The following NFASC variants were observed in gnomAD, a reference collection of about 807,000 sequenced individuals.
NFASC encodes neurofascin.
A neutral mutation model predicts 147.5 loss-of-function variants in NFASC; 43 were observed. The ratio of observed to expected loss-of-function variants is 0.29; its 90% confidence interval spans 0.23 to 0.38. The LOEUF (loss-of-function observed/expected upper bound fraction) is 0.38, where lower values mean the gene tolerates loss of function less well. Ranked by LOEUF, NFASC falls within the 10% of genes least tolerant of loss-of-function variation. The pLI is 1.00. For missense variants in NFASC, 1,320 were observed against 1,689.0 expected (o/e 0.78, Z 3.83); for synonymous variants, 622 against 665.5 (o/e 0.93, Z 1.01).
chr1:204,946,305 C>T, intron 3 of NFASC: 2 of 513,578 alleles, frequency 3.9e-6, no homozygotes, highest in South Asian at 1.4e-5. Flanking sequence ...GCACATGGTT[C>T]TGGCAGCTAA....
chr1:204,907,122 A>T (rs1025045348), intron 1 of NFASC, among the ~76,000 whole-genome samples: 1 of 152,138 alleles, frequency 6.6e-6, no homozygotes, highest in African/African-American at 2.4e-5. Context: ...CCTAACTAGG[A>T]CGTGGGATTA....
chr1:205,002,512 C>T, intron 26 of NFASC, 84 bp from the exon 27 acceptor site: 1 of 1,186,498 alleles, frequency 8.4e-7, no homozygotes, highest in East Asian at 2.9e-5. Context: ...CACTTTCTAC[C>T]TTTGACAGGT....
chr1:204,995,315 A>AGTGTGTGTGT lies in NFASC; in HGVS notation c.2783-1826_2783-1817dup, dbSNP rs60921990. On this transcript the variant is annotated intron_variant, in intron 24 of 29. Coordinates refer to ENST00000339876, the MANE Select transcript of NFASC (RefSeq NM_001005388.3). ...GCTTTCCCATGTATGATGTGTGCAC[A>AGTGTGTGTGT]GTGTGTGTGTGTGTGTGTGTGTGTG... Among the ~76,000 whole-genome samples the AGTGTGTGTGT allele has an allele frequency of 4.3e-3, 612 of 140,876 alleles. 6 individuals are homozygous for AGTGTGTGTGT. Among genetic ancestry groups the AGTGTGTGTGT allele is most frequent in the Middle Eastern group, 0.028 (8 of 282 alleles). The allele number at this position is 140,876 out of a possible 152,430, so 92.4% of individuals were successfully genotyped here.
chr1:205,000,149 C>G (rs142529211), intron 25 of NFASC: 2 of 152,172 alleles, frequency 1.3e-5, no homozygotes, highest in African/African-American at 4.8e-5. Context: ...ATCAAAAACT[C>G]GGTGGTGCTG....
rs906910135 is a variant in NFASC, at chr1:204,879,778, G to A, written c.-199-40854G>A. On this transcript the variant is annotated intron_variant, in intron 1 of 29. Coordinates refer to ENST00000339876, the MANE Select transcript of NFASC (RefSeq NM_001005388.3). ...GGATGGAGAGAAAGGAATTCAGCTG[G>A]GTTTGTTTGTTCTGCTTTTATTTAA... 3.3e-5 allele frequency among the ~76,000 whole-genome samples: 5 copies of A among 152,270 alleles called. No homozygotes were observed. The East Asian group carries it at 9.6e-4, about 29-fold the overall frequency.
intron 1 of NFASC, among the ~76,000 whole-genome samples, chr1:204,853,867 C>T (rs909020570): frequency 1.3e-5 from 2 of 152,178 alleles, no homozygotes; most frequent in African/African-American, 4.8e-5. Flanking sequence ...CTGGGTCTCT[C>T]CTGGCAAGGG....
At chr1:204,992,418 C>T (rs920305498) in intron 24 of NFASC, among the ~76,000 whole-genome samples, 3 of 152,180 alleles carry the variant, frequency 2.0e-5, no homozygotes, top group Non-Finnish European at 4.4e-5. Context: ...ATTTCTGTTG[C>T]ATACCCTGCT....
At chr1:204,997,018 C>A (rs1164518127) in intron 24 of NFASC, among the ~76,000 whole-genome samples, 152 bp from the exon 25 acceptor site, 1 of 152,114 alleles carries the variant, frequency 6.6e-6, no homozygotes, top group Non-Finnish European at 1.5e-5. Flanking sequence ...GTTGCTGCGA[C>A]CCGTCTGACC....
rs575088714 is a variant in NFASC, at chr1:204,991,323, G to A, written c.2782+17G>A. 1.1e-5 allele frequency: 18 copies of A among 1,611,190 alleles called. No homozygotes were observed. Among genetic ancestry groups the A allele is most frequent in the East Asian group, 2.2e-5 (1 of 44,822 alleles). Reference sequence around the variant, plus strand: ...CAACCGCAGGTACCGTACCAGCCGCGGAGGTAATGGGCATGGCATGGGGCA... The same window carrying A: ...CAACCGCAGGTACCGTACCAGCCGCAGAGGTAATGGGCATGGCATGGGGCA... On this transcript the variant is annotated intron_variant, in intron 24 of 29. Coordinates refer to ENST00000339876, the MANE Select transcript of NFASC (RefSeq NM_001005388.3).
At chr1:204,949,554 A>AAC (rs1391089289) in intron 3 of NFASC, among the ~76,000 whole-genome samples, 1 of 152,242 alleles carries the variant, frequency 6.6e-6, no homozygotes, top group Non-Finnish European at 1.5e-5. Context: ...AAGTCACAGC[A>AAC]ACACATGTTC....
At chr1:204,978,364 G>A (rs933650073) in intron 17 of NFASC, among the ~76,000 whole-genome samples, 13 of 152,184 alleles carry the variant, frequency 8.5e-5, no homozygotes, top group Non-Finnish European at 1.9e-4. Context: ...CCTCACCCCT[G>A]TTTGCAAGCC....
Position 204,987,389 on chromosome 1 carries a change from T to C in NFASC, c.2471-29T>C, listed in dbSNP as rs747003248. On this transcript the variant is annotated intron_variant, in intron 21 of 29. Coordinates refer to ENST00000339876, the MANE Select transcript of NFASC (RefSeq NM_001005388.3). This position sits in a 1 kb window ranked among gnomAD's most constrained non-coding sequence, Gnocchi z 4.4. The stretch of plus-strand genomic sequence containing the variant: ...CATCCTCCCTGCCCCCTCCCCCTCA[T>C]CTCCCCTGCTCTCTCCTCCTTCCCC... 2.0e-6 allele frequency: 3 copies of C among 1,522,616 alleles called. No individual in the cohort carries two copies. The highest frequency in any genetic ancestry group is 2.7e-6 in the Non-Finnish European group (3 of 1,099,326). The allele number at this position is 1,522,616 out of a possible 1,614,324, so 94.3% of individuals were successfully genotyped here.
chr1:204,944,312 G>A lies in NFASC; in HGVS notation c.-4G>A, dbSNP rs759689024. 14 of 1,613,214 alleles carry A rather than the reference G, an allele frequency of 8.7e-6. No individual in the cohort carries two copies. The highest frequency in any genetic ancestry group is 2.2e-5 in the South Asian group (2 of 90,850). ...GGAGCAGGGAGCAGGGCCAGGTGCC[G>A]AGGATGGCCAGGCAGCCACCGCCGC... On this transcript the variant is annotated 5_prime_UTR_variant, in exon 3 of 30. Coordinates refer to ENST00000339876, the MANE Select transcript of NFASC (RefSeq NM_001005388.3).
intron 23 of NFASC, chr1:204,989,927 C>G (rs2095688015): frequency 6.6e-6 from 1 of 152,218 alleles, no homozygotes; most frequent in South Asian, 2.1e-4. Context: ...GTGGCCTGGC[C>G]CAGGCCCAGA....
intron 1 of NFASC, among the ~76,000 whole-genome samples, chr1:204,854,387 C>G (rs1320331071): frequency 6.6e-6 from 1 of 152,152 alleles, no homozygotes; most frequent in Non-Finnish European, 1.5e-5. Flanking sequence ...CCTTCCCCCA[C>G]CCTCCTGACC....
chr1:204,941,341 C>A (rs2093351493), intron 2 of NFASC, among the ~76,000 whole-genome samples: 1 of 152,334 alleles, frequency 6.6e-6, no homozygotes, highest in East Asian at 1.9e-4. Context: ...TCTTGAGATT[C>A]TTTTTCCACT....
At chr1:204,863,727 T>C (rs531344598) in intron 1 of NFASC, among the ~76,000 whole-genome samples, 2 of 151,650 alleles carry the variant, frequency 1.3e-5, no homozygotes, top group Admixed American at 6.6e-5. Flanking sequence ...CGGGTGCCTG[T>C]AGTCCCACTA....
intron 1 of NFASC, among the ~76,000 whole-genome samples, chr1:204,905,224 G>A (rs1362137106): frequency 6.6e-6 from 1 of 152,162 alleles, no homozygotes; most frequent in African/African-American, 2.4e-5. Context: ...AGCAGGGACT[G>A]CAGGTATGCA....
At chr1:204,900,983 C>T (rs2084442423) in intron 1 of NFASC, among the ~76,000 whole-genome samples, 1 of 151,920 alleles carries the variant, frequency 6.6e-6, no homozygotes, top group African/African-American at 2.4e-5. Context: ...GGCCCAGATT[C>T]CTTTTAAAGA....
Sources: gnomAD v4.1 joint callset for allele counts (sites outside exome capture counted in the v4.1 genomes callset) on GRCh38, gnomAD v4.1.1 for gene constraint, Gnocchi (gnomAD v3.1) non-coding constraint, MANE v1.5 for transcripts, NCBI Gene and HGNC (gene_info 2026-07-23, HGNC 2026-07-21) for gene names.